The following TENM2 variants were observed in gnomAD, a reference collection of about 807,000 sequenced individuals.
The protein encoded by TENM2 is teneurin transmembrane protein 2, also known as teneurin-2.
A neutral mutation model predicts 245.2 loss-of-function variants in TENM2; 52 were observed. The ratio of observed to expected loss-of-function variants is 0.21; its 90% confidence interval spans 0.17 to 0.27. The LOEUF (loss-of-function observed/expected upper bound fraction) is 0.27, where lower values mean the gene tolerates loss of function less well. Ranked by LOEUF, TENM2 falls within the 10% of genes least tolerant of loss-of-function variation. The pLI, the probability that TENM2 is intolerant of heterozygous loss-of-function variation, is 1.00. For synonymous variants in TENM2, 1,363 were observed against 1,438.9 expected (o/e 0.95, Z 1.19); for missense variants, 3,046 against 3,666.8 (o/e 0.83, Z 4.37).
intron 2 of TENM2, among the ~76,000 whole-genome samples, chr5:167,874,777 C>G (rs1048134680): frequency 2.0e-5 from 3 of 152,208 alleles, no homozygotes; most frequent in Non-Finnish European, 4.4e-5. Flanking sequence ...GATGCAGCAG[C>G]CTCTGTGTGG....
intron 5 of TENM2, among the ~76,000 whole-genome samples, chr5:168,009,940 G>T (rs879832614): frequency 6.6e-6 from 1 of 152,118 alleles, no homozygotes; most frequent in African/African-American, 2.4e-5. Flanking sequence ...GCTCAGTTAG[G>T]TTAAGGCCAT....
chr5:167,920,766 A>T (rs1414393576), intron 3 of TENM2, among the ~76,000 whole-genome samples: 1 of 152,162 alleles, frequency 6.6e-6, no homozygotes, highest in East Asian at 1.9e-4. Context: ...TTTTCTGTGT[A>T]TTTAGTGCCA....
At chr5:167,732,007 G>A (rs1298330915) in intron 2 of TENM2, among the ~76,000 whole-genome samples, 2 of 152,048 alleles carry the variant, frequency 1.3e-5, no homozygotes, top group East Asian at 1.9e-4. Context: ...ATAATTGCGG[G>A]CTTTAATCCC....
chr5:167,438,188 ATCC>A (rs1764674483), intron 2 of TENM2, among the ~76,000 whole-genome samples: 2 of 152,186 alleles, frequency 1.3e-5, no homozygotes. Context: ...TCTATACTCC[ATCC>A]AAAATGAACT....
chr5:168,189,489 A>C (rs1760758310), intron 13 of TENM2, among the ~76,000 whole-genome samples: 2 of 152,224 alleles, frequency 1.3e-5, no homozygotes, highest in South Asian at 4.1e-4. Flanking sequence ...GTAAAGGGAT[A>C]GAGGCACAGG....
chr5:167,876,175 C>G, exon 3 of TENM2: 1 of 1,551,298 alleles, frequency 6.4e-7, no homozygotes, highest in Non-Finnish European at 8.7e-7. Context: ...TGCTCAGGGC[C>G]CCAGCAAGCC....
In TENM2 at chr5:167,640,133, T is replaced by A. The variant is rs1249164706; in HGVS notation, c.503-235853T>A. 2.0e-5 allele frequency among the ~76,000 whole-genome samples: 3 copies of A among 152,174 alleles called. No homozygotes were observed. The East Asian group carries it at 5.8e-4, about 29-fold the overall frequency. On this transcript the variant is annotated intron_variant, in intron 2 of 28. Coordinates refer to ENST00000518659, the Ensembl canonical transcript of TENM2. The stretch of plus-strand genomic sequence containing the variant: ...GAGATATATGTTTACACACAATATG[T>A]ACTTGGGCACTATTTAAAGATTTTG...
chr5:168,036,664 AAT>A (rs1787706220), intron 5 of TENM2, among the ~76,000 whole-genome samples: 1 of 101,328 alleles, frequency 9.9e-6, no homozygotes. Context: ...ATATATATAT[AAT>A]ATATGTATGT....
intron 2 of TENM2, among the ~76,000 whole-genome samples, chr5:167,750,740 G>A (rs1398304963): frequency 6.6e-6 from 1 of 152,030 alleles, no homozygotes; most frequent in East Asian, 1.9e-4. Flanking sequence ...AATGATGTGG[G>A]TAGCTGATTC....
the TENM2 span, among the ~76,000 whole-genome samples, chr5:167,101,849 T>TATA: frequency 4.9e-3 from 340 of 69,396 alleles, 15 homozygotes; most frequent in African/African-American, 0.016. Context: ...ATATATATAT[T>TATA]TATATATATA....
intron 2 of TENM2, 86 bp downstream of exon 4, chr5:167,375,559 C>T (rs1164226357): frequency 1.5e-6 from 2 of 1,345,948 alleles, no homozygotes; most frequent in South Asian, 1.3e-5. Flanking sequence ...AATGAAGCGG[C>T]GTCATAAAAC....
At chr5:167,692,718 G>A (rs1362550762) in intron 2 of TENM2, among the ~76,000 whole-genome samples, 8 of 152,174 alleles carry the variant, frequency 5.3e-5, no homozygotes, top group African/African-American at 7.2e-5. Context: ...TGTTCAAGCA[G>A]GTGCCTCCTT....
chr5:167,070,161 AGGC>A, the TENM2 span, among the ~76,000 whole-genome samples: 3 of 148,538 alleles, frequency 2.0e-5, no homozygotes, highest in African/African-American at 7.5e-5. Flanking sequence ...TCTGTCGCCC[AGGC>A]TGGAGTGCAG....
At chr5:167,818,397 C>G (rs1767236745) in intron 2 of TENM2, among the ~76,000 whole-genome samples, 2 of 152,136 alleles carry the variant, frequency 1.3e-5, no homozygotes, top group Non-Finnish European at 2.9e-5. Flanking sequence ...TGCCATTTAA[C>G]TGATAACATT....
chr5:167,381,380 A>G (rs1310726500), intron 2 of TENM2, among the ~76,000 whole-genome samples: 2 of 152,200 alleles, frequency 1.3e-5, no homozygotes, highest in Non-Finnish European at 2.9e-5. Flanking sequence ...AGGTGTGGCT[A>G]AGTGGCTTAT....
chr5:167,033,825 G>A, the TENM2 span, among the ~76,000 whole-genome samples: 1 of 152,166 alleles, frequency 6.6e-6, no homozygotes, highest in African/African-American at 2.4e-5. Flanking sequence ...TTTAGCAAAT[G>A]TAAGTAGACA....
At chr5:167,989,338 G>A (rs1783497657) in intron 4 of TENM2, among the ~76,000 whole-genome samples, 1 of 152,014 alleles carries the variant, frequency 6.6e-6, no homozygotes, top group South Asian at 2.1e-4. Flanking sequence ...GAAGGGGGCT[G>A]TGTTAGAATA....
At chr5:167,750,589 A>G (rs1761894709) in intron 2 of TENM2, among the ~76,000 whole-genome samples, 1 of 152,150 alleles carries the variant, frequency 6.6e-6, no homozygotes, top group African/African-American at 2.4e-5. Flanking sequence ...GGCTCCTAGA[A>G]CACACGATAG....
Position 167,839,985 on chromosome 5 carries a change from A to AT in TENM2, c.503-35994dup, listed in dbSNP as rs556881993. On this transcript the variant is annotated intron_variant, in intron 2 of 28. Coordinates refer to ENST00000518659, the Ensembl canonical transcript of TENM2. ...GGCATGCGCCACCACGCCCTGCTAAATTTTTTTGTATTTTTAGTAGAGACG... is the reference window on the plus strand; with the variant it reads ...GGCATGCGCCACCACGCCCTGCTAAATTTTTTTTGTATTTTTAGTAGAGACG... Among the ~76,000 whole-genome samples the AT allele has an allele frequency of 1.0e-3, 154 of 152,134 alleles. 1 individual carries two copies. The highest frequency in any genetic ancestry group is 3.4e-3 in the African/African-American group (143 of 41,504).
Sources: allele counts gnomAD v4.1 joint callset (sites outside exome capture counted in the v4.1 genomes callset), GRCh38; gene constraint gnomAD v4.1.1; transcripts MANE v1.5; gene names NCBI Gene and HGNC (gene_info 2026-07-23, HGNC 2026-07-21).